Variants in PDE11A observed in about 807,000 individuals in gnomAD.
PDE11A encodes phosphodiesterase 11A, also known as dual 3',5'-cyclic-AMP and -GMP phosphodiesterase 11A.
In PDE11A, 100 loss-of-function variants were observed where a neutral mutation model predicts 100.5. That is an observed-to-expected ratio of 1.00 (90% confidence interval 0.85 to 1.18). The LOEUF (loss-of-function observed/expected upper bound fraction) is 1.18, where lower values mean the gene tolerates loss of function less well. Among genes scored for constraint, PDE11A ranks in the 50% most tolerant of loss-of-function variants. PDE11A has a pLI of 0.00. For missense variants in PDE11A, 1,141 were observed against 1,152.6 expected (o/e 0.99, Z 0.15); for synonymous variants, 381 against 420.8 (o/e 0.91, Z 1.16).
At chr2:177,851,847 A>C (rs918003692) in intron 5 of PDE11A, among the ~76,000 whole-genome samples, 1 of 152,088 alleles carries the variant, frequency 6.6e-6, no homozygotes, top group Non-Finnish European at 1.5e-5. Context: ...TTCATCACCC[A>C]GGTATTAAGC....
chr2:177,989,267 G>A (rs1393960972), intron 2 of PDE11A, among the ~76,000 whole-genome samples: 10 of 152,202 alleles, frequency 6.6e-5, no homozygotes, highest in Non-Finnish European at 2.9e-5. Context: ...GATGTGGAAT[G>A]CTGTTTCCTA....
chr2:177,923,800 A>G (rs13422276), intron 2 of PDE11A, among the ~76,000 whole-genome samples: 13,068 of 152,230 alleles, frequency 0.086, 533 homozygotes, highest in South Asian at 0.1. Flanking sequence ...ACTTATTTAG[A>G]TTTCATAAAA....
intron 2 of PDE11A, among the ~76,000 whole-genome samples, chr2:177,966,915 T>A (rs1185746368): frequency 6.6e-6 from 1 of 152,144 alleles, no homozygotes; most frequent in East Asian, 1.9e-4. Flanking sequence ...TTGGAATAGT[T>A]TCATAGAATT....
Position 177,898,303 on chromosome 2 carries a change from T to A in PDE11A, c.1162-105A>T, listed in dbSNP as rs1012189597. 17 of 752,142 alleles carry A rather than the reference T, an allele frequency of 2.3e-5. No homozygotes were observed. The African/African-American group carries it at 2.5e-4, about 11-fold the overall frequency. 46.6% of individuals were successfully genotyped at this position (752,142 alleles called of 1,614,324 possible). ...GCTTCAATAAAATATAGTAAATCTTTTTGTGTAGCTAATTTTAAAAAATTT... is the reference window on the plus strand; with the variant it reads ...GCTTCAATAAAATATAGTAAATCTTATTGTGTAGCTAATTTTAAAAAATTT... On this transcript the variant is annotated intron_variant, in intron 3 of 19. Transcript: ENST00000286063.
intron 2 of PDE11A, among the ~76,000 whole-genome samples, chr2:177,933,147 A>G (rs1342053449): frequency 6.6e-6 from 1 of 152,146 alleles, no homozygotes; most frequent in Non-Finnish European, 1.5e-5. Context: ...TACAAGAAGA[A>G]CTACAAAACA....
chr2:177,791,891 G>A (rs1275079576), intron 9 of PDE11A, among the ~76,000 whole-genome samples: 1 of 152,036 alleles, frequency 6.6e-6, no homozygotes, highest in African/African-American at 2.4e-5. Context: ...TCATTTCAAT[G>A]TCCTTAAGGT....
chr2:177,893,885 CTAT>C (rs2084569994), intron 4 of PDE11A, among the ~76,000 whole-genome samples: 1 of 151,984 alleles, frequency 6.6e-6, no homozygotes, highest in Admixed American at 6.6e-5. Context: ...AAAAATATAC[CTAT>C]TATTGAAATA....
At chr2:178,087,126 G>A (rs913808436) in intron 2 of PDE11A, among the ~76,000 whole-genome samples, 3 of 152,038 alleles carry the variant, frequency 2.0e-5, no homozygotes, top group Non-Finnish European at 4.4e-5. Flanking sequence ...CACAAGATCA[G>A]GAGTTCGAAA....
chr2:178,022,215 G>T (rs896010320), intron 1 of PDE11A, among the ~76,000 whole-genome samples: 1 of 152,150 alleles, frequency 6.6e-6, no homozygotes, highest in Non-Finnish European at 1.5e-5. Context: ...TATTTAGGAG[G>T]TAGAATGAAT....
chr2:178,013,448 A>G (rs1207951752), intron 2 of PDE11A, among the ~76,000 whole-genome samples: 1 of 152,198 alleles, frequency 6.6e-6, no homozygotes, highest in Non-Finnish European at 1.5e-5. Context: ...CCTTACAATC[A>G]TATTTCATGT....
chr2:177,905,072 T>C (rs1279146081), intron 3 of PDE11A, 26 bp downstream of exon 3: 1 of 1,196,626 alleles, frequency 8.4e-7, no homozygotes, highest in South Asian at 1.2e-5. Context: ...TTTTGAGGAG[T>C]GTCAACAATG....
chr2:177,969,859 T>C (rs1380792548), intron 2 of PDE11A, among the ~76,000 whole-genome samples: 2 of 152,170 alleles, frequency 1.3e-5, no homozygotes, highest in African/African-American at 4.8e-5. Flanking sequence ...ATATCTACTA[T>C]GCATTTGGCA....
chr2:177,743,957 C>CAGAA (rs2081911714), intron 10 of PDE11A, among the ~76,000 whole-genome samples: 1 of 152,130 alleles, frequency 6.6e-6, no homozygotes, highest in Admixed American at 6.5e-5. Context: ...CTGTATCACT[C>CAGAA]AGAAAGAAAG....
chr2:177,734,603 C>G (rs1049217196), intron 10 of PDE11A, among the ~76,000 whole-genome samples: 2 of 152,180 alleles, frequency 1.3e-5, no homozygotes, highest in Non-Finnish European at 2.9e-5. Flanking sequence ...CTCTTCATGA[C>G]AGATATGGGC....
At chr2:177,848,669 G>T (rs902860529) in intron 5 of PDE11A, among the ~76,000 whole-genome samples, 1 of 152,090 alleles carries the variant, frequency 6.6e-6, no homozygotes, top group Non-Finnish European at 1.5e-5. Context: ...CAGAAAACAC[G>T]TAATTCCTGA....
At chr2:177,745,459 G>A (rs1293275459) in intron 10 of PDE11A, among the ~76,000 whole-genome samples, 1 of 152,232 alleles carries the variant, frequency 6.6e-6, no homozygotes, top group Non-Finnish European at 1.5e-5. Context: ...CCCACGTTGA[G>A]AGTCTGATTC....
intron 2 of PDE11A, among the ~76,000 whole-genome samples, chr2:177,946,229 TG>T (rs1283160979): frequency 1.2e-5 from 1 of 85,116 alleles, no homozygotes; most frequent in African/African-American, 4.6e-5. Flanking sequence ...GGGAGGGAGG[TG>T]GGGGGGTCAG....
At chr2:177,634,452 G>T (rs968454163) in intron 19 of PDE11A, among the ~76,000 whole-genome samples, 1 of 150,358 alleles carries the variant, frequency 6.7e-6, no homozygotes, top group African/African-American at 2.5e-5. Flanking sequence ...GCAGTGGGGC[G>T]ATCTCGGCTC....
chr2:177,775,616 C>T (rs78060689), intron 9 of PDE11A, among the ~76,000 whole-genome samples: 4,653 of 152,280 alleles, frequency 0.031, 105 homozygotes, highest in Non-Finnish European at 0.047. Flanking sequence ...GCTGCCTGTG[C>T]TCTGTCTTCT....
Sources: gnomAD v4.1 joint callset for allele counts (sites outside exome capture counted in the v4.1 genomes callset) on GRCh38, gnomAD v4.1.1 for gene constraint, MANE v1.5 for transcripts, NCBI Gene and HGNC (gene_info 2026-07-23, HGNC 2026-07-21) for gene names.